TULP4: variants seen among roughly 807,000 people sequenced by gnomAD.
TULP4 encodes tubby-related protein 4.
Under a neutral mutation model 129.0 loss-of-function variants are expected in TULP4, and 16 were observed. The observed-to-expected ratio is 0.12, with a 90% CI of 0.08 to 0.19. TULP4 has a LOEUF of 0.19. Ranked by LOEUF, TULP4 falls within the 10% of genes least tolerant of loss-of-function variation. The pLI, the probability that TULP4 is intolerant of heterozygous loss-of-function variation, is 1.00. For missense variants in TULP4, 1,842 were observed against 2,059.1 expected (o/e 0.89, Z 2.04); for synonymous variants, 998 against 854.0 (o/e 1.17, Z -2.94).
intron 1 of TULP4, among the ~76,000 whole-genome samples, chr6:158,296,663 C>T (rs1012627488): frequency 6.6e-6 from 1 of 151,356 alleles, no homozygotes; most frequent in Non-Finnish European, 1.5e-5. Context: ...TTCTATTTTC[C>T]CTAAGTGTCA....
chr6:158,377,061 T>C (rs1777206484), intron 1 of TULP4, among the ~76,000 whole-genome samples: 1 of 152,210 alleles, frequency 6.6e-6, no homozygotes, highest in Admixed American at 6.5e-5. Flanking sequence ...TTACATAATA[T>C]GGGATAGGTG....
At chr6:158,375,425 A>G (rs1777161303) in intron 1 of TULP4, among the ~76,000 whole-genome samples, 1 of 152,154 alleles carries the variant, frequency 6.6e-6, no homozygotes, top group Non-Finnish European at 1.5e-5. Context: ...TCCCTCAGTG[A>G]TGGAGTGGTT....
At chr6:158,450,082 C>T (rs1347887897) in intron 4 of TULP4, among the ~76,000 whole-genome samples, 1 of 152,168 alleles carries the variant, frequency 6.6e-6, no homozygotes, top group Non-Finnish European at 1.5e-5. Context: ...TTATTGTTAA[C>T]ATGTCATCCT....
intron 1 of TULP4, among the ~76,000 whole-genome samples, chr6:158,375,844 T>G (rs1777174280): frequency 6.6e-6 from 1 of 152,132 alleles, no homozygotes; most frequent in African/African-American, 2.4e-5. Flanking sequence ...GCCAGAGTAG[T>G]GGGGGCAAAG....
intron 1 of TULP4, among the ~76,000 whole-genome samples, chr6:158,304,243 G>A (rs959526419): frequency 1.3e-5 from 2 of 152,074 alleles, no homozygotes; most frequent in East Asian, 3.8e-4. Flanking sequence ...GAACTGGATC[G>A]TATGGAAGCT....
chr6:158,389,583 G>T (rs748610861), intron 1 of TULP4, among the ~76,000 whole-genome samples: 32 of 152,142 alleles, frequency 2.1e-4, no homozygotes, highest in Non-Finnish European at 3.5e-4. Context: ...GAGATCAATA[G>T]AAGTGGATTT....
chr6:158,336,425 CT>C (rs138705950), intron 1 of TULP4, among the ~76,000 whole-genome samples: 8 of 151,870 alleles, frequency 5.3e-5, no homozygotes, highest in African/African-American at 1.9e-4. Context: ...AGGTTTAAAA[CT>C]TTTTTTTATC....
At chr6:158,427,542 G>A (rs1324807640) in intron 2 of TULP4, among the ~76,000 whole-genome samples, 3 of 122,908 alleles carry the variant, frequency 2.4e-5, no homozygotes, top group Non-Finnish European at 3.1e-5. Context: ...TCGCCAGGCT[G>A]GAGTGCAGTG....
At chr6:158,409,059 AC>A (rs1053679017) in intron 1 of TULP4, among the ~76,000 whole-genome samples, 1 of 152,098 alleles carries the variant, frequency 6.6e-6, no homozygotes, top group African/African-American at 2.4e-5. Context: ...ATCTATCAAC[AC>A]CCTTTGGAGG....
At chr6:158,270,370 A>G (rs1440398560) in intron 1 of TULP4, among the ~76,000 whole-genome samples, 1 of 152,082 alleles carries the variant, frequency 6.6e-6, no homozygotes, top group Admixed American at 6.5e-5. Flanking sequence ...GCTCCACAGC[A>G]CTTTTTTGGC....
intron 1 of TULP4, among the ~76,000 whole-genome samples, chr6:158,381,951 T>C (rs182852458): frequency 1.7e-4 from 26 of 152,324 alleles, no homozygotes; most frequent in Admixed American, 3.3e-4. Context: ...TCCAGGTATG[T>C]CTCTCTTACT....
At chr6:158,311,972 T>A, upstream of TULP4, 1 of 395,658 alleles carries the variant, frequency 2.5e-6, no homozygotes, top group Non-Finnish European at 4.5e-6. Context: ...CATTTCAGTT[T>A]CAGCAATTAT....
Position 158,489,676 on chromosome 6 carries a change from G to C in TULP4, c.1575G>C (p.Trp525Cys). ...DSSDIELSDDWAAKKSPKISR... is the reference protein window; with the variant it reads ...DSSDIELSDDCAAKKSPKISR... ...GTGACATTGAGCTGAGTGATGACTG[G>C]GCTGCCAAGAAATCTCCCAAAATCT... The change falls in exon 9 of 14, where the codon TGG (tryptophan) becomes TGC (cysteine). Residue 525 changes from tryptophan (W) to cysteine (C), a missense_variant. By Grantham distance (215) the Trp-to-Cys change is radical. Transcript: ENST00000367097. 1.2e-6 allele frequency: 2 copies of C among 1,614,156 alleles called. No homozygotes were observed. The highest frequency in any genetic ancestry group is 1.1e-5 in the South Asian group (1 of 91,072).
At chr6:158,284,350 A>G (rs1328773726) in intron 1 of TULP4, among the ~76,000 whole-genome samples, 1 of 152,234 alleles carries the variant, frequency 6.6e-6, no homozygotes, top group Non-Finnish European at 1.5e-5. Flanking sequence ...CAAGCTGAGA[A>G]ACGAATCTAA....
chr6:158,460,643 G>A (rs978033990), intron 5 of TULP4, among the ~76,000 whole-genome samples: 1 of 152,200 alleles, frequency 6.6e-6, no homozygotes, highest in African/African-American at 2.4e-5. Flanking sequence ...TCTCCCAGCA[G>A]GGGTATTTAT....
At chr6:158,309,929 G>GGGGGGCGGGAGA, upstream of TULP4, among the ~76,000 whole-genome samples, 1 of 36,624 alleles carries the variant, frequency 2.7e-5, no homozygotes, top group African/African-American at 9.0e-5. Context: ...GGAGGGGGAG[G>GGGGGGCGGGAGA]GGGAGAGGGA....
chr6:158,486,123 G>A (rs1780058758), intron 8 of TULP4, among the ~76,000 whole-genome samples: 1 of 152,198 alleles, frequency 6.6e-6, no homozygotes, highest in Non-Finnish European at 1.5e-5. Context: ...CAGGAGTCCT[G>A]TGGACTGAAT....
chr6:158,320,658 C>A lies in TULP4; in HGVS notation c.252+6390C>A, dbSNP rs998647383. 2.0e-5 allele frequency among the ~76,000 whole-genome samples: 3 copies of A among 152,182 alleles called. No homozygotes were observed. The East Asian group carries it at 5.8e-4, about 29-fold the overall frequency. On this transcript the variant is annotated intron_variant, in intron 1 of 13. Coordinates refer to ENST00000367097, the MANE Select transcript of TULP4 (RefSeq NM_020245.5). Reference sequence around the variant, plus strand: ...TGTTGACCAGGCTGGTCTCAAACTCCTGGTCTCAGGTGATCCACCCGCCTC... The same window carrying A: ...TGTTGACCAGGCTGGTCTCAAACTCATGGTCTCAGGTGATCCACCCGCCTC...
At chr6:158,305,704 C>CA (rs34473613) in intron 1 of TULP4, among the ~76,000 whole-genome samples, 2,229 of 136,556 alleles carry the variant, frequency 0.016, 41 homozygotes, top group African/African-American at 0.041. Flanking sequence ...AACCCTGTCT[C>CA]AAAAAAAAAA....
Sources: allele counts gnomAD v4.1 joint callset (sites outside exome capture counted in the v4.1 genomes callset), GRCh38; gene constraint gnomAD v4.1.1; transcripts MANE v1.5; gene names NCBI Gene and HGNC (gene_info 2026-07-23, HGNC 2026-07-21).